The following POMZP3 variants were observed in gnomAD, a reference collection of about 807,000 sequenced individuals.
POMZP3 encodes POM121 and ZP3 fusion protein.
Under a neutral mutation model 19.8 loss-of-function variants are expected in POMZP3, and 10 were observed. That is an observed-to-expected ratio of 0.51 (90% confidence interval 0.31 to 0.86). POMZP3 has a LOEUF of 0.86. POMZP3 is among the 40% of genes least tolerant of loss of function. The probability of loss-of-function intolerance (pLI) is 0.04; values close to 1 mark genes in which losing one functional copy is unlikely to be tolerated. For missense variants in POMZP3, 152 were observed against 228.1 expected, an observed-to-expected ratio of 0.67 and a Z score of 2.15; for synonymous variants, 57 against 85.8, an observed-to-expected ratio of 0.66 and a Z score of 1.85.
At chr7:76,621,611 CA>C in intron 3 of POMZP3, among the ~76,000 whole-genome samples, 1 of 151,852 alleles carries the variant, frequency 6.6e-6, no homozygotes, top group South Asian at 2.1e-4. Context: ...GAGGTTGGCA[CA>C]AGATGCAGGT....
intron 3 of POMZP3, among the ~76,000 whole-genome samples, chr7:76,620,453 C>T (rs1228258758): frequency 1.3e-5 from 2 of 149,210 alleles, no homozygotes; most frequent in Non-Finnish European, 3.0e-5. Context: ...ACAAGGGAAC[C>T]AGTGAAAAGG....
At position 76,611,708 on chromosome 7, in the gene POMZP3, G is replaced by A; in HGVS notation, c.437+14C>T. The A allele has an allele frequency of 6.9e-7, 1 of 1,444,510 alleles. No individual in the cohort carries two copies. Among genetic ancestry groups the A allele is most frequent in the Non-Finnish European group, 9.5e-7 (1 of 1,050,474 alleles). 89.5% of individuals were successfully genotyped at this position (1,444,510 alleles called of 1,614,324 possible). A position where few individuals can be genotyped will look rare whatever the true frequency, so the allele number is the denominator to read the frequency against. On this transcript the variant is annotated intron_variant, in intron 5 of 6. Coordinates refer to ENST00000310842, the MANE Select transcript of POMZP3 (RefSeq NM_012230.5). Reference sequence around the variant, plus strand: ...ATTCAGTTTCTACTCCAGTCACGGAGCACCTGTCCTCACCTGTTGGAAGGC... The same window carrying A: ...ATTCAGTTTCTACTCCAGTCACGGAACACCTGTCCTCACCTGTTGGAAGGC...
intron 3 of POMZP3, among the ~76,000 whole-genome samples, chr7:76,622,774 C>G (rs1185977794): frequency 6.6e-6 from 1 of 151,860 alleles, no homozygotes; most frequent in Non-Finnish European, 1.5e-5. Flanking sequence ...CTCCTGAGCT[C>G]AAGCGATCTT....
intron 3 of POMZP3, among the ~76,000 whole-genome samples, chr7:76,623,023 C>T (rs1297545522): frequency 6.6e-6 from 1 of 151,770 alleles, no homozygotes; most frequent in African/African-American, 2.4e-5. Flanking sequence ...CACTCACCAC[C>T]ATGCCTGGCT....
At chr7:76,623,814 A>AAG (rs896759441) in intron 3 of POMZP3, among the ~76,000 whole-genome samples, 4 of 151,874 alleles carry the variant, frequency 2.6e-5, no homozygotes, top group Admixed American at 2.6e-4. Flanking sequence ...AAAAAAAAGA[A>AAG]AGAGAGAGAG....
intron 3 of POMZP3, among the ~76,000 whole-genome samples, chr7:76,619,364 G>T (rs565310121): frequency 1.5e-3 from 229 of 151,342 alleles, no homozygotes; most frequent in African/African-American, 5.5e-3. Context: ...CTCCAGCCTG[G>T]GCAACAGAGT....
At chr7:76,611,303 C>T (rs1318963813) in intron 6 of POMZP3, among the ~76,000 whole-genome samples, 151 bp downstream of exon 6, 1 of 151,640 alleles carries the variant, frequency 6.6e-6, no homozygotes, top group Non-Finnish European at 1.5e-5. Context: ...TGCTTAACCC[C>T]AAGATTTGTG....
In POMZP3 at chr7:76,625,530, A is replaced by G. The variant is rs2116886800; in HGVS notation, c.219T>C (p.Asn73=). The part of the protein sequence containing the change: ...EDQIFLDGQE[N]KRSCLVDGLT... Reference sequence around the variant, plus strand: ...TCTCCTGAGCCTGTTACCTTCTTTTATTTTCCTGGCCATCAAGGAATATTT... The same window carrying G: ...TCTCCTGAGCCTGTTACCTTCTTTTGTTTTCCTGGCCATCAAGGAATATTT... Residue 73 remains asparagine, a synonymous_variant, in exon 3 of 7, where the codon AAT becomes AAC. Coordinates refer to ENST00000310842, the MANE Select transcript of POMZP3 (RefSeq NM_012230.5). 1 of 1,613,060 alleles carries G rather than the reference A, an allele frequency of 6.2e-7. No homozygotes were observed. Among genetic ancestry groups the G allele is most frequent in the East Asian group, 2.2e-5 (1 of 44,832 alleles).
rs186513030 is a variant in POMZP3 at position 76,613,455 on chromosome 7, C to A, written c.346-1642G>T. ...TGAGCTCCTGCTGGGAGCTGAAGGA[C>A]CCCCCCCACCCAGGGAATAGTCAAC... On this transcript the variant is annotated intron_variant, in intron 4 of 6. Coordinates refer to ENST00000310842, the MANE Select transcript of POMZP3 (RefSeq NM_012230.5). 3.2e-3 allele frequency among the ~76,000 whole-genome samples: 385 copies of A among 121,348 alleles called. 33 individuals carry two copies. The highest frequency in any genetic ancestry group is 7.9e-3 in the Middle Eastern group (2 of 252). 79.6% of individuals were successfully genotyped at this position (121,348 alleles called of 152,430 possible).
At chr7:76,620,731 G>A (rs1165411365) in intron 3 of POMZP3, among the ~76,000 whole-genome samples, 2 of 151,874 alleles carry the variant, frequency 1.3e-5, no homozygotes, top group Admixed American at 1.3e-4. Context: ...GCCTCCCAAA[G>A]TGCAGGGATT....
At chr7:76,626,626 G>A in intron 1 of POMZP3, 82 bp downstream of exon 1, 1 of 1,291,310 alleles carries the variant, frequency 7.7e-7, no homozygotes, top group Non-Finnish European at 1.0e-6. Context: ...CGGATTTGAT[G>A]AAAAAGCAAA....
intron 4 of POMZP3, among the ~76,000 whole-genome samples, chr7:76,612,064 G>C (rs1227793368): frequency 1.4e-5 from 2 of 144,198 alleles, no homozygotes; most frequent in Non-Finnish European, 3.0e-5. Context: ...TGGGCGTGGT[G>C]GTGGGTACCT....
Position 76,618,791 on chromosome 7 carries a change from T to A in POMZP3, c.228-491A>T, listed in dbSNP as rs1293060238. On this transcript the variant is annotated intron_variant, in intron 3 of 6. Coordinates refer to ENST00000310842, the MANE Select transcript of POMZP3 (RefSeq NM_012230.5). ...GTAGGGGGATAAGCTGAAGAATTGTTAAAGATTTTATTTATTTATTTTTTG... is the reference window on the plus strand; with the variant it reads ...GTAGGGGGATAAGCTGAAGAATTGTAAAAGATTTTATTTATTTATTTTTTG... Among the ~76,000 whole-genome samples, 5 of 151,856 alleles carry A rather than the reference T, an allele frequency of 3.3e-5. 1 individual carries two copies. The highest frequency in any genetic ancestry group is 1.2e-4 in the African/African-American group (5 of 41,334).
chr7:76,624,136 T>C (rs1396357438), intron 3 of POMZP3, among the ~76,000 whole-genome samples: 15 of 88,224 alleles, frequency 1.7e-4, no homozygotes, highest in Non-Finnish European at 4.5e-5. Flanking sequence ...AGATTGCTAA[T>C]ATAAAAAAAG....
Position 76,611,560 on chromosome 7 carries a change from A to T in POMZP3, c.469T>A (p.Cys157Ser), listed in dbSNP as rs73365247. ...CAGTCACCTTTGTTACAGCATTGAC[A>T]GATGTCAGCCAGGCCTTCCACTGGG... is the stretch of plus-strand genomic sequence containing the variant. ...WFPVEGLADI[C>S]QCCNKGDCGT... The change falls in exon 6 of 7, where the codon TGT (cysteine) becomes AGT (serine). Residue 157 changes from cysteine to serine, a missense_variant. Coordinates refer to ENST00000310842, the MANE Select transcript of POMZP3 (RefSeq NM_012230.5). 0.011 allele frequency: 17,238 copies of T among 1,603,296 alleles called. 1,162 individuals carry two copies. The African/African-American group carries it at 0.19, about 17-fold the overall frequency.
intron 3 of POMZP3, among the ~76,000 whole-genome samples, chr7:76,624,842 GA>G (rs1815776251): frequency 6.6e-6 from 1 of 151,386 alleles, no homozygotes; most frequent in Non-Finnish European, 1.5e-5. Flanking sequence ...TAAGACACTA[GA>G]ACTGGTGGGC....
chr7:76,610,663 G>T (rs955175039), intron 6 of POMZP3, among the ~76,000 whole-genome samples: 1 of 151,160 alleles, frequency 6.6e-6, no homozygotes. Flanking sequence ...GTGCAGGGGA[G>T]GGGGAAGAAA....
intron 3 of POMZP3, among the ~76,000 whole-genome samples, chr7:76,620,806 T>TTA (rs1563803465): frequency 1.3e-5 from 2 of 149,512 alleles, no homozygotes; most frequent in Non-Finnish European, 3.0e-5. Flanking sequence ...GGGCTGGGAC[T>TTA]TACATAAGAT....
In POMZP3 at chr7:76,626,234, A is replaced by C. The variant is rs1815887918; in HGVS notation, c.-151-19T>G. On this transcript the variant is annotated intron_variant, in intron 1 of 6. Coordinates refer to ENST00000310842, the MANE Select transcript of POMZP3 (RefSeq NM_012230.5). ...ACGATCCCTGCAGAGAATGCGAGAC[A>C]AATCATGGAAACAAAGTATAAAAGA... is the stretch of plus-strand genomic sequence containing the variant. The C allele has an allele frequency of 5.9e-6, 9 of 1,526,824 alleles. No individual in the cohort carries two copies. Among genetic ancestry groups the C allele is most frequent in the Middle Eastern group, 1.7e-4 (1 of 5,946 alleles). 94.6% of individuals were successfully genotyped at this position (1,526,824 alleles called of 1,614,324 possible).
Sources: allele counts gnomAD v4.1 joint callset (sites outside exome capture counted in the v4.1 genomes callset), GRCh38; gene constraint gnomAD v4.1.1; transcripts MANE v1.5; gene names NCBI Gene and HGNC (gene_info 2026-07-23, HGNC 2026-07-21).